The following PHACTR1 variants were observed in gnomAD, a reference collection of about 807,000 sequenced individuals.
PHACTR1 encodes the protein RPEL repeat containing 1.
A neutral mutation model predicts 69.2 loss-of-function variants in PHACTR1; 16 were observed. The ratio of observed to expected loss-of-function variants is 0.23; its 90% CI spans 0.16 to 0.35. The LOEUF is 0.35. Among genes scored for constraint, PHACTR1 ranks in the 10% least tolerant of loss-of-function variants. The probability of loss-of-function intolerance (pLI) is 1.00; values close to 1 mark genes in which losing one functional copy is unlikely to be tolerated. For missense variants in PHACTR1, 510 were observed against 734.7 expected, an observed-to-expected ratio of 0.69 and a Z score of 3.54; for synonymous variants, 312 against 284.5, an observed-to-expected ratio of 1.10 and a Z score of -0.97.
chr6:12,884,402 A>AT (rs779017824), intron 4 of PHACTR1, among the ~76,000 whole-genome samples: 1,500 of 142,694 alleles, frequency 0.011, 13 homozygotes, highest in Middle Eastern at 0.029. Context: ...GGTTTACTGA[A>AT]TTTTTTTTTT....
At chr6:13,083,766 G>T (rs573168558) in intron 5 of PHACTR1, among the ~76,000 whole-genome samples, 4 of 152,076 alleles carry the variant, frequency 2.6e-5, no homozygotes, top group Non-Finnish European at 5.9e-5. Context: ...TGGTGTATAA[G>T]AATGCTTGTG....
intron 8 of PHACTR1, among the ~76,000 whole-genome samples, chr6:13,216,895 C>A (rs967528599): frequency 2.6e-5 from 4 of 151,966 alleles, no homozygotes; most frequent in African/African-American, 9.7e-5. Flanking sequence ...ACTGTACAAA[C>A]CATTAACACC....
intron 4 of PHACTR1, among the ~76,000 whole-genome samples, chr6:12,770,711 G>T (rs1183273801): frequency 6.6e-6 from 1 of 152,198 alleles, no homozygotes; most frequent in Non-Finnish European, 1.5e-5. Flanking sequence ...CCATTGAGGA[G>T]CACCCATGAG....
intron 4 of PHACTR1, among the ~76,000 whole-genome samples, chr6:12,961,586 G>A (rs1792736976): frequency 6.6e-6 from 1 of 152,172 alleles, no homozygotes; most frequent in Non-Finnish European, 1.5e-5. Context: ...AACTATTTGG[G>A]ATTAAAGAAA....
chr6:12,890,918 A>T (rs1217927809), intron 4 of PHACTR1, among the ~76,000 whole-genome samples: 1 of 152,182 alleles, frequency 6.6e-6, no homozygotes, highest in Non-Finnish European at 1.5e-5. Context: ...GAGACCAGAT[A>T]CCTTTGTCTA....
chr6:13,158,274 AGAACATCTTTTTG>A (rs1307509307), intron 5 of PHACTR1, among the ~76,000 whole-genome samples: 2 of 152,294 alleles, frequency 1.3e-5, no homozygotes, highest in East Asian at 3.9e-4. Context: ...AGCTCTGAAT[AGAACATCTTTTTG>A]CCTTCCTGCC....
intron 4 of PHACTR1, among the ~76,000 whole-genome samples, chr6:13,013,790 C>A (rs566663078): frequency 1.3e-5 from 2 of 149,764 alleles, no homozygotes; most frequent in South Asian, 4.2e-4. Flanking sequence ...GAGCGGCCGG[C>A]GCGGGCGGGG....
At chr6:12,933,908 TTGG>T in intron 4 of PHACTR1, 1 of 1,611,546 alleles carries the variant, frequency 6.2e-7, no homozygotes, top group Non-Finnish European at 8.5e-7. Context: ...CATTTACTCT[TTGG>T]TCCATATGGG....
chr6:13,188,143 C>CA (rs1179849368), intron 7 of PHACTR1, among the ~76,000 whole-genome samples: 1 of 152,100 alleles, frequency 6.6e-6, no homozygotes, highest in Non-Finnish European at 1.5e-5. Flanking sequence ...TAAAAATACA[C>CA]AAAAAGCTAA....
At chr6:13,058,265 A>G (rs1035342264) in intron 5 of PHACTR1, among the ~76,000 whole-genome samples, 2 of 152,220 alleles carry the variant, frequency 1.3e-5, no homozygotes, top group African/African-American at 4.8e-5. Flanking sequence ...ATAGAAAAGT[A>G]GAACTGGCAG....
intron 4 of PHACTR1, 95 bp downstream of exon 4, chr6:12,749,885 G>A: frequency 5.9e-6 from 7 of 1,191,846 alleles, no homozygotes; most frequent in Non-Finnish European, 7.9e-6. Flanking sequence ...CCTCCCCGCC[G>A]CCCCCCGCAG....
intron 9 of PHACTR1, 145 bp from the exon 10 acceptor site, chr6:13,229,892 C>A: frequency 1.1e-6 from 1 of 932,062 alleles, no homozygotes; most frequent in Non-Finnish European, 1.6e-6. Context: ...ATGGCAGGAA[C>A]TCTAGGAACT....
At chr6:13,211,017 C>T (rs575364600) in intron 8 of PHACTR1, among the ~76,000 whole-genome samples, 1 of 148,374 alleles carries the variant, frequency 6.7e-6, no homozygotes, top group South Asian at 2.1e-4. Flanking sequence ...CTTTGCTAGC[C>T]TTTACTCTTG....
intron 4 of PHACTR1, among the ~76,000 whole-genome samples, chr6:12,872,928 T>C (rs988849148): frequency 6.6e-6 from 1 of 152,130 alleles, no homozygotes; most frequent in Non-Finnish European, 1.5e-5. Context: ...CTCCCTTCTT[T>C]CTTTCTTTTC....
chr6:12,813,343 G>T (rs1038647945), intron 4 of PHACTR1, among the ~76,000 whole-genome samples: 1 of 152,194 alleles, frequency 6.6e-6, no homozygotes, highest in Non-Finnish European at 1.5e-5. Context: ...CAGCTTCAGG[G>T]GGGTCTATGA....
intron 4 of PHACTR1, among the ~76,000 whole-genome samples, chr6:12,899,813 A>G (rs1582374858): frequency 6.6e-6 from 1 of 152,202 alleles, no homozygotes; most frequent in African/African-American, 2.4e-5. Context: ...TTTTTCCAGC[A>G]TGGCATGAGC....
intron 4 of PHACTR1, among the ~76,000 whole-genome samples, chr6:12,925,928 C>A (rs183763362): frequency 2.0e-4 from 30 of 152,200 alleles, no homozygotes; most frequent in Non-Finnish European, 2.9e-5. Context: ...TAACATGAAC[C>A]CTGCCTGGCC....
At chr6:13,021,021 G>A (rs1009373709) in intron 4 of PHACTR1, among the ~76,000 whole-genome samples, 12 of 152,102 alleles carry the variant, frequency 7.9e-5, no homozygotes, top group African/African-American at 2.7e-4. Context: ...TATAATTCAC[G>A]CACCACAGAG....
chr6:12,931,236 G>C (rs1414297417), intron 4 of PHACTR1, among the ~76,000 whole-genome samples: 1 of 152,050 alleles, frequency 6.6e-6, no homozygotes, highest in African/African-American at 2.4e-5. Context: ...TTTTCAGAGA[G>C]TGAGAAGGAG....
Sources: allele counts gnomAD v4.1 joint callset (sites outside exome capture counted in the v4.1 genomes callset), GRCh38; gene constraint gnomAD v4.1.1; transcripts MANE v1.5; gene names NCBI Gene and HGNC (gene_info 2026-07-23, HGNC 2026-07-21).